TRABD2B: variants seen among roughly 807,000 people sequenced by gnomAD.
TRABD2B encodes metalloprotease TIKI2.
In TRABD2B, 14 loss-of-function variants were observed where a neutral mutation model predicts 40.1. The observed-to-expected ratio is 0.35, with a 90% CI of 0.23 to 0.55. The LOEUF (loss-of-function observed/expected upper bound fraction) is 0.55. Ranked by LOEUF, TRABD2B falls within the 20% of genes least tolerant of loss-of-function variation. TRABD2B has a pLI of 0.90. For missense variants in TRABD2B, 541 were observed against 648.6 expected (o/e 0.83, Z 1.80); for synonymous variants, 263 against 277.0 (o/e 0.95, Z 0.50).
chr1:47,830,913 A>G (rs1645239450), intron 2 of TRABD2B, among the ~76,000 whole-genome samples: 1 of 152,192 alleles, frequency 6.6e-6, no homozygotes, highest in South Asian at 2.1e-4. Context: ...GTCTTTAATG[A>G]AACTGAAGCA....
At chr1:47,783,333 G>A (rs543271552) in intron 4 of TRABD2B, among the ~76,000 whole-genome samples, 1 of 151,884 alleles carries the variant, frequency 6.6e-6, no homozygotes, top group Non-Finnish European at 1.5e-5. Context: ...AGACAGAGAG[G>A]TAAGGAGAGA....
intron 2 of TRABD2B, among the ~76,000 whole-genome samples, chr1:47,969,054 T>A (rs966027618): frequency 2.0e-5 from 3 of 152,190 alleles, no homozygotes; most frequent in Non-Finnish European, 2.9e-5. Context: ...CTGTGTCAAG[T>A]CCAATAGAGC....
At chr1:47,847,852 C>G (rs72894229) in intron 2 of TRABD2B, among the ~76,000 whole-genome samples, 4 of 152,168 alleles carry the variant, frequency 2.6e-5, no homozygotes, top group Non-Finnish European at 4.4e-5. Context: ...TCATATGGCA[C>G]GTTAGGGCTT....
chr1:47,927,252 G>T (rs907464331), intron 2 of TRABD2B, among the ~76,000 whole-genome samples: 5 of 152,200 alleles, frequency 3.3e-5, no homozygotes, highest in African/African-American at 1.2e-4. Flanking sequence ...CAGAGGTGCC[G>T]GGTGCAGCCT....
chr1:47,834,306 A>G (rs1288364929), intron 2 of TRABD2B, among the ~76,000 whole-genome samples: 2 of 152,208 alleles, frequency 1.3e-5, no homozygotes, highest in Non-Finnish European at 2.9e-5. Flanking sequence ...ACAAGAGACT[A>G]ACCAAAAAGC....
intron 2 of TRABD2B, among the ~76,000 whole-genome samples, chr1:47,896,870 T>G (rs1386467705): frequency 6.6e-6 from 1 of 152,154 alleles, no homozygotes; most frequent in Non-Finnish European, 1.5e-5. Context: ...ATAGTGTCAG[T>G]AAAAGTAGTT....
chr1:47,778,480 G>A lies in TRABD2B; in HGVS notation c.1053C>T (p.His351=). 6.5e-7 allele frequency: 1 copy of A among 1,536,134 alleles called. No homozygotes were observed. Among genetic ancestry groups the A allele is most frequent in the African/African-American group, 1.4e-5 (1 of 73,166 alleles). Reference sequence around the variant, plus strand: ...TGTGTATGGCCTGCCCGGCGGGTGTGTGGTCCACCTCCAGCCCTGCCTGCC... The same window carrying A: ...TGTGTATGGCCTGCCCGGCGGGTGTATGGTCCACCTCCAGCCCTGCCTGCC... ...ILRQAGLEVD[H]TPAGQAIHSP... The change falls in exon 5 of 7, where the codon CAC becomes CAT. Residue 351 remains histidine (H), a synonymous_variant. Transcript: ENST00000606738.
intron 2 of TRABD2B, among the ~76,000 whole-genome samples, chr1:47,827,392 T>C (rs1201794982): frequency 6.6e-6 from 1 of 152,248 alleles, no homozygotes; most frequent in African/African-American, 2.4e-5. Flanking sequence ...CCTCTGTCTG[T>C]GTGGCCCATG....
At chr1:47,974,981 C>G (rs77126458) in intron 2 of TRABD2B, among the ~76,000 whole-genome samples, 1 of 152,192 alleles carries the variant, frequency 6.6e-6, no homozygotes, top group East Asian at 1.9e-4. Flanking sequence ...AGGGACAGTG[C>G]TCTTCAAAAC....
At chr1:47,794,494 C>T (rs1401782447) in intron 4 of TRABD2B, 92 bp downstream of exon 4, 10 of 1,379,814 alleles carry the variant, frequency 7.2e-6, no homozygotes, top group African/African-American at 1.5e-5. Context: ...TCCTGGGCCT[C>T]GACTTCTCCC....
chr1:47,843,825 G>C (rs1028229817), intron 2 of TRABD2B, among the ~76,000 whole-genome samples: 17 of 152,152 alleles, frequency 1.1e-4, no homozygotes, highest in African/African-American at 3.9e-4. Flanking sequence ...GCAGATGAGT[G>C]GGGTGTGGAG....
Position 47,984,620 on chromosome 1 carries a change from T to G in TRABD2B, c.666+9414A>C, listed in dbSNP as rs147455419. Reference sequence around the variant, plus strand: ...GGCCAAGCTGAACTGCTCTCGGCCCTCAAATGCACAACTCGCGCCCCGTCC... The same window carrying G: ...GGCCAAGCTGAACTGCTCTCGGCCCGCAAATGCACAACTCGCGCCCCGTCC... On this transcript the variant is annotated intron_variant, in intron 2 of 6. Coordinates refer to ENST00000606738, the MANE Select transcript of TRABD2B (RefSeq NM_001194986.2). Among the ~76,000 whole-genome samples, 1,285 of 152,294 alleles carry G rather than the reference T, an allele frequency of 8.4e-3. 16 individuals are homozygous for G. The highest frequency in any genetic ancestry group is 0.037 in the Middle Eastern group (11 of 294).
chr1:47,881,320 TTGTG>T (rs1461801030), intron 2 of TRABD2B, among the ~76,000 whole-genome samples: 3 of 152,200 alleles, frequency 2.0e-5, no homozygotes, highest in African/African-American at 7.2e-5. Context: ...AGATGTGTGT[TTGTG>T]TGTCAGAATA....
chr1:47,821,335 A>G (rs949784965), intron 2 of TRABD2B, among the ~76,000 whole-genome samples: 63 of 152,270 alleles, frequency 4.1e-4, no homozygotes, highest in African/African-American at 1.4e-3. Context: ...GGGACAATCA[A>G]TTCACCCCTC....
At chr1:47,847,909 C>T (rs1645494547) in intron 2 of TRABD2B, among the ~76,000 whole-genome samples, 1 of 152,226 alleles carries the variant, frequency 6.6e-6, no homozygotes, top group African/African-American at 2.4e-5. Context: ...AAAATGTCCT[C>T]ACCCAGAGGG....
rs112761009 is a variant in TRABD2B, at chr1:47,946,392, T to G, written c.666+47642A>C. Among the ~76,000 whole-genome samples, 6 of 152,302 alleles carry G rather than the reference T, an allele frequency of 3.9e-5. 2 individuals carry two copies. Among genetic ancestry groups the G allele is most frequent in the African/African-American group, 1.4e-4 (6 of 41,576 alleles). On this transcript the variant is annotated intron_variant, in intron 2 of 6. Coordinates refer to ENST00000606738, the MANE Select transcript of TRABD2B (RefSeq NM_001194986.2). ...CTTGTAGGTTTTTTGTAAATGTTCT[T>G]TATCAGATAAAGTTCTCTTCTAGTC...
intron 4 of TRABD2B, among the ~76,000 whole-genome samples, chr1:47,793,814 A>C (rs1644708142): frequency 6.6e-6 from 1 of 152,176 alleles, no homozygotes; most frequent in African/African-American, 2.4e-5. Flanking sequence ...AGGAGAGGAA[A>C]AATGAAAGGC....
intron 2 of TRABD2B, among the ~76,000 whole-genome samples, chr1:47,953,064 G>A (rs1557677097): frequency 6.6e-6 from 1 of 151,976 alleles, no homozygotes; most frequent in Non-Finnish European, 1.5e-5. Flanking sequence ...ACCATTAGGG[G>A]AACATTTGCT....
At chr1:47,862,390 G>T (rs1475508985) in intron 2 of TRABD2B, among the ~76,000 whole-genome samples, 1 of 152,140 alleles carries the variant, frequency 6.6e-6, no homozygotes, top group Admixed American at 6.5e-5. Flanking sequence ...TAACAAGTTT[G>T]CAGGATACAA....
Sources: gnomAD v4.1 joint callset for allele counts (sites outside exome capture counted in the v4.1 genomes callset) on GRCh38, gnomAD v4.1.1 for gene constraint, MANE v1.5 for transcripts, NCBI Gene and HGNC (gene_info 2026-07-23, HGNC 2026-07-21) for gene names.